The following UBR4 variants were observed in gnomAD, a reference collection of about 807,000 sequenced individuals.
UBR4 encodes ubiquitin protein ligase E3 component n-recognin 4.
In UBR4, 124 loss-of-function variants were observed where a neutral mutation model predicts 575.6. That is an observed-to-expected ratio of 0.22 (90% CI 0.19 to 0.25). The LOEUF (loss-of-function observed/expected upper bound fraction) is 0.25. UBR4 is among the 10% of genes least tolerant of loss of function. The pLI is 1.00. For missense variants in UBR4, 4,818 were observed against 6,478.8 expected (o/e 0.74, Z 8.80); for synonymous variants, 2,455 against 2,473.7 (o/e 0.99, Z 0.22).
At chr1:19,200,604 A>C (rs977318509) in intron 2 of UBR4, among the ~76,000 whole-genome samples, 1 of 152,154 alleles carries the variant, frequency 6.6e-6, no homozygotes, top group East Asian at 1.9e-4. Context: ...TACAAAAATT[A>C]GTCTCATAAC....
intron 55 of UBR4, 54 bp downstream of exon 55, chr1:19,143,926 T>A (rs1408302249): frequency 6.5e-7 from 1 of 1,545,036 alleles, no homozygotes; most frequent in Non-Finnish European, 8.9e-7. Context: ...TGTACCTCCC[T>A]CTCTCCCCTC....
chr1:19,199,983 C>T (rs1247061725), intron 2 of UBR4, among the ~76,000 whole-genome samples: 4 of 152,218 alleles, frequency 2.6e-5, no homozygotes, highest in African/African-American at 7.2e-5. Context: ...ACTTACATCA[C>T]ACCAGTGCCA....
intron 39 of UBR4, among the ~76,000 whole-genome samples, chr1:19,159,693 C>T (rs1281307527): frequency 2.0e-5 from 3 of 151,492 alleles, no homozygotes; most frequent in East Asian, 3.9e-4. Context: ...ACCTCCTGGG[C>T]TCAAGTGATG....
chr1:19,198,691 C>G lies in UBR4; in HGVS notation c.509-11G>C, dbSNP rs989514946. On this transcript the variant is annotated splice_polypyrimidine_tract_variant and intron_variant, in intron 4 of 105. Transcript: ENST00000375254. Reference sequence around the variant, plus strand: ...CTTTCTGATCTTCCACTGTAAAATACAAAGGCAAAAAAAAGGGCTGAGGAA... The same window carrying G: ...CTTTCTGATCTTCCACTGTAAAATAGAAAGGCAAAAAAAAGGGCTGAGGAA... The G allele has an allele frequency of 3.7e-6, 6 of 1,610,724 alleles. No homozygotes were observed. In the Admixed American group the frequency reaches 6.8e-5, roughly 18 times the overall value.
At chr1:19,155,259 C>A (rs1008182122) in intron 43 of UBR4, among the ~76,000 whole-genome samples, 182 bp downstream of exon 43, 2 of 151,718 alleles carry the variant, frequency 1.3e-5, no homozygotes, top group African/African-American at 4.9e-5. Flanking sequence ...TAATTTAGCC[C>A]TAAAGGATAA....
rs986962566 is a variant in UBR4 at position 19,089,508 on chromosome 1, T to A, written c.14212-531A>T. Among the ~76,000 whole-genome samples, 2 of 152,152 alleles carry A rather than the reference T, an allele frequency of 1.3e-5. No individual in the cohort carries two copies. The highest frequency in any genetic ancestry group is 4.8e-5 in the African/African-American group (2 of 41,424). ...CAATGACTACAAGCAGGTATGGACATGAAAAACTTTAACAACAAAAAAGAT... is the reference window on the plus strand; with the variant it reads ...CAATGACTACAAGCAGGTATGGACAAGAAAAACTTTAACAACAAAAAAGAT... On this transcript the variant is annotated intron_variant, in intron 97 of 105. Coordinates refer to ENST00000375254, the MANE Select transcript of UBR4 (RefSeq NM_020765.3). This position sits in a 1 kb window ranked among gnomAD's most constrained non-coding sequence, Gnocchi z 4.3.
Position 19,144,879 on chromosome 1 carries a change from A to C in UBR4, c.7974T>G (p.Asn2658Lys), listed in dbSNP as rs778429279. 6 of 1,614,146 alleles carry C rather than the reference A, an allele frequency of 3.7e-6. No homozygotes were observed. Among genetic ancestry groups the C allele is most frequent in the Non-Finnish European group, 5.1e-6 (6 of 1,180,012 alleles). ...AGCCATGGATGATGTCCACCAGAGCATTGACAGTAGCTTCAATATGAGTTA... is the reference window on the plus strand; with the variant it reads ...AGCCATGGATGATGTCCACCAGAGCCTTGACAGTAGCTTCAATATGAGTTA... ...PGLTHIEATV[N>K]ALVDIIHGYC... Residue 2658 changes from asparagine (N) to lysine (K), a missense_variant, in exon 54 of 106, where the codon AAT becomes AAG. Physicochemically the swap from Asn to Lys is moderately conservative, Grantham distance 94. Coordinates refer to ENST00000375254, the MANE Select transcript of UBR4 (RefSeq NM_020765.3).
chr1:19,092,815 C>T lies in UBR4; in HGVS notation c.14211+4G>A. 1 of 1,609,624 alleles carries T rather than the reference C, an allele frequency of 6.2e-7. No homozygotes were observed. On this transcript the variant is annotated splice_donor_region_variant and intron_variant, in intron 97 of 105. Transcript: ENST00000375254. Reference sequence around the variant, plus strand: ...CCCTCACACTACCTGTCCTGGCTACCCACCTGGGTGCCAGGGTGCTGGATG... The same window carrying T: ...CCCTCACACTACCTGTCCTGGCTACTCACCTGGGTGCCAGGGTGCTGGATG...
chr1:19,141,551 C>A, intron 56 of UBR4, 27 bp from the exon 57 acceptor site: 2 of 1,597,772 alleles, frequency 1.3e-6, no homozygotes, highest in Non-Finnish European at 8.5e-7. Flanking sequence ...CTGTCAGTGT[C>A]CCATGGTAAG....
rs761110828 is a variant in UBR4, at chr1:19,126,019, G to T, written c.9438+427C>A. ...CAGAACTTCTCCATGCTTCAAGACTGGTAAGTAAGAACACAAGATGGGACT... is the reference window on the plus strand; with the variant it reads ...CAGAACTTCTCCATGCTTCAAGACTTGTAAGTAAGAACACAAGATGGGACT... On this transcript the variant is annotated intron_variant, in intron 64 of 105. Coordinates refer to ENST00000375254, the MANE Select transcript of UBR4 (RefSeq NM_020765.3). Among the ~76,000 whole-genome samples the T allele has an allele frequency of 4.6e-5, 7 of 152,186 alleles. No individual in the cohort carries two copies. The East Asian group carries it at 1.2e-3, about 25-fold the overall frequency.
At position 19,192,191 on chromosome 1, in the gene UBR4, T is replaced by C; in HGVS notation, c.1391A>G (p.Lys464Arg). ...GVGSPKLGPG[K>R]GHQGFGVLSV... ...TTATAATCAAGTAGACACATACCCT[T>C]TTCCAGGCCCCAGTTTAGGGGAGCC... is the stretch of plus-strand genomic sequence containing the variant. The change falls in exon 11 of 106, where the codon AAA becomes AGA. Residue 464 changes from lysine to arginine, a missense_variant. Physicochemically the swap from Lys to Arg is conservative, Grantham distance 26. Around this residue, in one of 29 missense-constraint regions of UBR4, gnomAD observed 162 missense variants for 216.4 expected, o/e 0.75. Transcript: ENST00000375254. 6.2e-7 allele frequency: 1 copy of C among 1,613,720 alleles called. No homozygotes were observed. Among genetic ancestry groups the C allele is most frequent in the African/African-American group, 1.3e-5 (1 of 75,010 alleles).
intron 35 of UBR4, 48 bp from the exon 36 acceptor site, chr1:19,161,945 A>G (rs2087436221): frequency 6.2e-7 from 1 of 1,604,582 alleles, no homozygotes; most frequent in South Asian, 1.1e-5. Flanking sequence ...CCCTGCATAT[A>G]AACACCCACA....
At chr1:19,078,679 G>A (rs1271898985) in intron 103 of UBR4, 1 of 152,888 alleles carries the variant, frequency 6.5e-6, no homozygotes, top group African/African-American at 2.4e-5. Flanking sequence ...GATAATCCAA[G>A]TTGCTCACCA....
At chr1:19,156,213 T>G in intron 42 of UBR4, 58 bp downstream of exon 42, 1 of 1,591,964 alleles carries the variant, frequency 6.3e-7, no homozygotes, top group Non-Finnish European at 8.6e-7. Flanking sequence ...ACATAGTGAT[T>G]CTGGATTTAA....
chr1:19,078,134 C>T, intron 103 of UBR4, 68 bp from the exon 104 acceptor site: 10 of 1,511,296 alleles, frequency 6.6e-6, no homozygotes, highest in Non-Finnish European at 9.1e-6. Context: ...CAGAGCAAGG[C>T]ATGCTGGGAG....
In UBR4 at chr1:19,114,794, G is replaced by C; in HGVS notation, c.11202+17C>G. On this transcript the variant is annotated intron_variant, in intron 75 of 105. Coordinates refer to ENST00000375254, the MANE Select transcript of UBR4 (RefSeq NM_020765.3). ...ATCAAGGCCACAGCCCTGAGTCTAGGCCAGATCTGGCCTCACCTTCTTCCG... is the reference window on the plus strand; with the variant it reads ...ATCAAGGCCACAGCCCTGAGTCTAGCCCAGATCTGGCCTCACCTTCTTCCG... 6.2e-7 allele frequency: 1 copy of C among 1,613,816 alleles called. No homozygotes were observed. The highest frequency in any genetic ancestry group is 1.1e-5 in the South Asian group (1 of 91,060).
At chr1:19,186,417 G>T in intron 14 of UBR4, 123 bp downstream of exon 14, 3 of 723,674 alleles carry the variant, frequency 4.1e-6, no homozygotes, top group Non-Finnish European at 4.3e-6. Context: ...CCAAGGTCCA[G>T]GCTAAGCAGG....
At chr1:19,136,961 A>C (rs1282378958) in intron 60 of UBR4, among the ~76,000 whole-genome samples, 1 of 151,570 alleles carries the variant, frequency 6.6e-6, no homozygotes, top group Non-Finnish European at 1.5e-5. Flanking sequence ...CTGATGCCTG[A>C]CTGCATCAGG....
At chr1:19,178,230 C>T (rs1282004472) in intron 18 of UBR4, among the ~76,000 whole-genome samples, 4 of 151,998 alleles carry the variant, frequency 2.6e-5, no homozygotes, top group East Asian at 1.9e-4. Context: ...AAAAATAACT[C>T]GATAGACTAT....
Sources: gnomAD v4.1 joint callset for allele counts (sites outside exome capture counted in the v4.1 genomes callset) on GRCh38, gnomAD v4.1.1 for gene constraint, gnomAD v4.1.1 regional missense constraint, Gnocchi (gnomAD v3.1) non-coding constraint, MANE v1.5 for transcripts, NCBI Gene and HGNC (gene_info 2026-07-23, HGNC 2026-07-21) for gene names.